Variants in LRP1B observed in about 807,000 individuals in gnomAD.
LRP1B encodes low-density lipoprotein receptor-related protein 1B.
LRP1B carries 217 observed loss-of-function variants against 556.6 expected under a neutral mutation model. That is an observed-to-expected ratio of 0.39 (90% CI 0.35 to 0.44). LRP1B has a LOEUF of 0.44. LRP1B is among the 20% of genes least tolerant of loss of function. The pLI is 1.00. For missense variants in LRP1B, 5,053 were observed against 5,620.8 expected, an observed-to-expected ratio of 0.90 and a Z score of 3.23; for synonymous variants, 2,047 against 1,865.8, an observed-to-expected ratio of 1.10 and a Z score of -2.50.
At chr2:140,961,623 C>A (rs555062313) in intron 18 of LRP1B, among the ~76,000 whole-genome samples, 2 of 152,110 alleles carry the variant, frequency 1.3e-5, no homozygotes, top group Admixed American at 1.3e-4. Context: ...TGGTACTCCA[C>A]ACAATTTTTT....
At chr2:140,241,903 G>T (rs1573671628) in intron 87 of LRP1B, among the ~76,000 whole-genome samples, 1 of 150,962 alleles carries the variant, frequency 6.6e-6, no homozygotes, top group Non-Finnish European at 1.5e-5. Flanking sequence ...ATTAGAAACT[G>T]AAAAACATAG....
At chr2:140,666,067 C>T (rs1685257875) in intron 41 of LRP1B, among the ~76,000 whole-genome samples, 2 of 151,338 alleles carry the variant, frequency 1.3e-5, no homozygotes, top group Middle Eastern at 3.4e-3. Context: ...GATCTCAGCT[C>T]ACTGCAACCT....
At chr2:141,231,687 T>C (rs1683479183) in intron 5 of LRP1B, among the ~76,000 whole-genome samples, 2 of 150,210 alleles carry the variant, frequency 1.3e-5, no homozygotes, top group Admixed American at 6.7e-5. Context: ...TGCTATCGTG[T>C]GCACCTGCCA....
chr2:141,870,555 T>C (rs1323430326), intron 1 of LRP1B, among the ~76,000 whole-genome samples: 1 of 152,014 alleles, frequency 6.6e-6, no homozygotes, highest in Non-Finnish European at 1.5e-5. Flanking sequence ...GTCTAAATGC[T>C]ATATTTTTAA....
intron 2 of LRP1B, among the ~76,000 whole-genome samples, chr2:141,649,078 T>A (rs1689689303): frequency 6.6e-6 from 1 of 152,166 alleles, no homozygotes; most frequent in Admixed American, 6.6e-5. Flanking sequence ...AAATTCTAAT[T>A]CATTCCTCAA....
intron 7 of LRP1B, among the ~76,000 whole-genome samples, chr2:141,172,575 C>T (rs890608404): frequency 2.6e-5 from 4 of 151,964 alleles, no homozygotes; most frequent in African/African-American, 9.7e-5. Flanking sequence ...CCATAGATTA[C>T]CGAACAAGTT....
intron 7 of LRP1B, among the ~76,000 whole-genome samples, chr2:141,145,173 C>T (rs1209915768): frequency 6.6e-6 from 1 of 152,028 alleles, no homozygotes; most frequent in Non-Finnish European, 1.5e-5. Context: ...GTTAATAATG[C>T]CTGTCAATCA....
chr2:141,935,879 G>C (rs2105004155), intron 1 of LRP1B, among the ~76,000 whole-genome samples: 1 of 152,282 alleles, frequency 6.6e-6, no homozygotes, highest in Middle Eastern at 3.4e-3. Flanking sequence ...CTTGAGCCCA[G>C]GTGTTCAAGG....
intron 35 of LRP1B, among the ~76,000 whole-genome samples, chr2:140,749,183 G>A (rs1688483689): frequency 6.6e-6 from 1 of 152,010 alleles, no homozygotes; most frequent in Non-Finnish European, 1.5e-5. Flanking sequence ...TATCACAAAA[G>A]AAGCTAGTTG....
chr2:141,096,031 TGTCA>T (rs1700290561), intron 7 of LRP1B, among the ~76,000 whole-genome samples: 1 of 152,132 alleles, frequency 6.6e-6, no homozygotes, highest in Non-Finnish European at 1.5e-5. Context: ...ATATCATAAA[TGTCA>T]GTAACTGCTA....
At chr2:140,898,123 C>T (rs1385711779) in intron 23 of LRP1B, among the ~76,000 whole-genome samples, 1 of 152,152 alleles carries the variant, frequency 6.6e-6, no homozygotes, top group Non-Finnish European at 1.5e-5. Flanking sequence ...AGAATCAGAG[C>T]AGACAGGCTG....
intron 7 of LRP1B, among the ~76,000 whole-genome samples, chr2:141,068,979 C>A (rs1345714136): frequency 6.6e-6 from 1 of 151,854 alleles, no homozygotes; most frequent in Non-Finnish European, 1.5e-5. Context: ...TTGAAAACAT[C>A]TTAAATCTTT....
chr2:141,439,745 C>T (rs1304531192), intron 3 of LRP1B, among the ~76,000 whole-genome samples: 2 of 152,134 alleles, frequency 1.3e-5, no homozygotes, highest in Non-Finnish European at 2.9e-5. Flanking sequence ...GGAAAACACA[C>T]ACACTCACAC....
chr2:141,050,910 T>C (rs1699018117), intron 10 of LRP1B, among the ~76,000 whole-genome samples: 1 of 147,996 alleles, frequency 6.8e-6, no homozygotes, highest in African/African-American at 2.5e-5. Context: ...ATCCAGAATC[T>C]ACAAGGAACT....
chr2:140,625,132 G>T (rs1371039884), intron 41 of LRP1B, among the ~76,000 whole-genome samples: 1 of 152,128 alleles, frequency 6.6e-6, no homozygotes, highest in African/African-American at 2.4e-5. Flanking sequence ...GATGTCTGTG[G>T]TTTTCACAAT....
In LRP1B at chr2:140,582,819, T is replaced by C. The variant is rs2105141491; in HGVS notation, c.7194+15812A>G. Reference sequence around the variant, plus strand: ...TAGAAGCATAAACGGACTAAGATACTGCAGCATTTATTTTTCATTCAGTTA... The same window carrying C: ...TAGAAGCATAAACGGACTAAGATACCGCAGCATTTATTTTTCATTCAGTTA... On this transcript the variant is annotated intron_variant, in intron 43 of 90. Coordinates refer to ENST00000389484, the MANE Select transcript of LRP1B (RefSeq NM_018557.3). Among the ~76,000 whole-genome samples the C allele has an allele frequency of 2.0e-5, 3 of 152,290 alleles. No homozygotes were observed. The South Asian group carries it at 6.2e-4, about 32-fold the overall frequency.
intron 2 of LRP1B, among the ~76,000 whole-genome samples, chr2:141,570,062 G>A (rs1368314233): frequency 6.6e-6 from 1 of 151,002 alleles, no homozygotes; most frequent in Non-Finnish European, 1.5e-5. Flanking sequence ...GCAAGACCCT[G>A]TCTCTAGAAA....
intron 3 of LRP1B, among the ~76,000 whole-genome samples, chr2:141,449,437 C>G (rs761317329): frequency 3.3e-5 from 5 of 152,122 alleles, no homozygotes; most frequent in Admixed American, 6.5e-5. Flanking sequence ...TGACCCCCAC[C>G]AAACCTTACA....
intron 2 of LRP1B, among the ~76,000 whole-genome samples, chr2:141,737,017 G>A (rs897977043): frequency 1.5e-4 from 23 of 152,102 alleles, no homozygotes; most frequent in Non-Finnish European, 8.8e-5. Context: ...CTCTTAGGTA[G>A]GAAGAAAACC....
Sources: allele counts gnomAD v4.1 joint callset (sites outside exome capture counted in the v4.1 genomes callset), GRCh38; gene constraint gnomAD v4.1.1; transcripts MANE v1.5; gene names NCBI Gene and HGNC (gene_info 2026-07-23, HGNC 2026-07-21).